The following PAPOLA variants were observed in gnomAD, a reference collection of about 807,000 sequenced individuals.
PAPOLA encodes poly(A) polymerase alpha, also known as polynucleotide adenylyltransferase alpha.
PAPOLA carries 15 observed loss-of-function variants against 100.6 expected under a neutral mutation model. That is an observed-to-expected ratio of 0.15 (90% CI 0.10 to 0.23). The LOEUF is 0.23. Ranked by LOEUF, PAPOLA falls within the 10% of genes least tolerant of loss-of-function variation. PAPOLA has a pLI of 1.00. For synonymous variants in PAPOLA, 293 were observed against 300.0 expected, an observed-to-expected ratio of 0.98 and a Z score of 0.24; for missense variants, 533 against 884.2, an observed-to-expected ratio of 0.60 and a Z score of 5.04.
chr14:96,513,692 T>C (rs1390003900), intron 1 of PAPOLA, among the ~76,000 whole-genome samples: 2 of 152,224 alleles, frequency 1.3e-5, no homozygotes, highest in Non-Finnish European at 2.9e-5. Context: ...TTGTTTTTCA[T>C]TAATCAGGTT....
At chr14:96,511,832 G>A (rs959290901) in intron 1 of PAPOLA, among the ~76,000 whole-genome samples, 4 of 152,278 alleles carry the variant, frequency 2.6e-5, no homozygotes, top group Admixed American at 6.5e-5. Flanking sequence ...TAACTTGGCC[G>A]CCCTAGCAGC....
At chr14:96,549,189 GTAGA>G (rs1900633066) in intron 16 of PAPOLA, among the ~76,000 whole-genome samples, 1 of 151,990 alleles carries the variant, frequency 6.6e-6, no homozygotes, top group Non-Finnish European at 1.5e-5. Flanking sequence ...TTGGAGATAG[GTAGA>G]TAGATGGGGA....
At chr14:96,514,109 C>T (rs769952634) in intron 1 of PAPOLA, among the ~76,000 whole-genome samples, 1 of 151,736 alleles carries the variant, frequency 6.6e-6, no homozygotes. Flanking sequence ...TCATGCTTTG[C>T]CTATTTGAAT....
intron 12 of PAPOLA, among the ~76,000 whole-genome samples, chr14:96,538,459 T>A (rs780459831): frequency 1.3e-5 from 2 of 152,070 alleles, no homozygotes; most frequent in South Asian, 4.1e-4. Flanking sequence ...TAAACTATGC[T>A]TCAGTCCTTG....
rs1405985458 is a variant in PAPOLA, at chr14:96,565,301, A to T, written c.*251A>T. Reference sequence around the variant, plus strand: ...TCAAAAATTACTGCCTTTAAAAAAAACAACCTCAAGCTATATTTGTATTCA... The same window carrying T: ...TCAAAAATTACTGCCTTTAAAAAAATCAACCTCAAGCTATATTTGTATTCA... On this transcript the variant is annotated 3_prime_UTR_variant, in exon 22 of 22. Coordinates refer to ENST00000216277, the MANE Select transcript of PAPOLA (RefSeq NM_032632.5). 7 of 397,092 alleles carry T rather than the reference A, an allele frequency of 1.8e-5. No individual in the cohort carries two copies. In the South Asian group the frequency reaches 3.8e-4, roughly 22 times the overall value. 24.6% of individuals were successfully genotyped at this position (397,092 alleles called of 1,614,324 possible).
intron 15 of PAPOLA, among the ~76,000 whole-genome samples, chr14:96,547,062 C>T (rs962867563): frequency 4.6e-5 from 7 of 152,066 alleles, no homozygotes; most frequent in African/African-American, 1.2e-4. Flanking sequence ...TCATCTGACA[C>T]GGACTATAGT....
At chr14:96,515,774 T>TAC (rs1019546488) in intron 1 of PAPOLA, among the ~76,000 whole-genome samples, 7 of 152,258 alleles carry the variant, frequency 4.6e-5, no homozygotes, top group African/African-American at 1.4e-4. Context: ...GTCTGGTTTG[T>TAC]ATTTTTCCTT....
chr14:96,527,832 A>C (rs965984395), intron 5 of PAPOLA, 121 bp from the exon 6 acceptor site: 8 of 760,794 alleles, frequency 1.1e-5, no homozygotes, highest in Admixed American at 7.2e-5. Flanking sequence ...GATCTGTCTG[A>C]TCGAACAGCC....
At chr14:96,552,772 T>G in intron 17 of PAPOLA, 150 bp downstream of exon 17, 28 of 685,670 alleles carry the variant, frequency 4.1e-5, no homozygotes, top group Non-Finnish European at 6.4e-5. Flanking sequence ...TTCCCAGGTT[T>G]GGGGATAGTA....
At chr14:96,513,289 A>G (rs1897228651) in intron 1 of PAPOLA, among the ~76,000 whole-genome samples, 1 of 152,064 alleles carries the variant, frequency 6.6e-6, no homozygotes, top group Non-Finnish European at 1.5e-5. Context: ...GGCTGGTCTC[A>G]AACTCCTGGG....
At chr14:96,554,441 A>G (rs1901118283) in intron 17 of PAPOLA, among the ~76,000 whole-genome samples, 2 of 152,248 alleles carry the variant, frequency 1.3e-5, no homozygotes, top group African/African-American at 4.8e-5. Context: ...ATTTACATTC[A>G]TATACCAATG....
At chr14:96,560,008 A>T (rs1901706725) in intron 19 of PAPOLA, among the ~76,000 whole-genome samples, 1 of 152,142 alleles carries the variant, frequency 6.6e-6, no homozygotes, top group Admixed American at 6.5e-5. Flanking sequence ...ATTGGAATTG[A>T]TCGATACTGT....
At chr14:96,540,918 G>A (rs1036344893) in intron 12 of PAPOLA, among the ~76,000 whole-genome samples, 2 of 152,132 alleles carry the variant, frequency 1.3e-5, no homozygotes, top group Non-Finnish European at 2.9e-5. Flanking sequence ...ACGGAGTCTC[G>A]CTCTGTTGCC....
At chr14:96,513,052 A>AT (rs1002437843) in intron 1 of PAPOLA, among the ~76,000 whole-genome samples, 3 of 151,998 alleles carry the variant, frequency 2.0e-5, no homozygotes, top group African/African-American at 7.3e-5. Flanking sequence ...AAATGTATAT[A>AT]TTTTTTATTG....
Position 96,565,446 on chromosome 14 carries a change from G to T in PAPOLA, c.*396G>T. 1 of 348,614 alleles carries T rather than the reference G, an allele frequency of 2.9e-6. No homozygotes were observed. Among genetic ancestry groups the T allele is most frequent in the Non-Finnish European group, 5.2e-6 (1 of 193,828 alleles). 21.6% of individuals were successfully genotyped at this position (348,614 alleles called of 1,614,324 possible). On this transcript the variant is annotated 3_prime_UTR_variant, in exon 22 of 22. Coordinates refer to ENST00000216277, the MANE Select transcript of PAPOLA (RefSeq NM_032632.5). ...TTTATGTATTTTTCATTAGAAAGTA[G>T]AACTAATTTTAGATTTTCAGCTTGA... is the stretch of plus-strand genomic sequence containing the variant.
At chr14:96,556,448 C>G (rs1216215255) in intron 19 of PAPOLA, 35 bp downstream of exon 19, 1 of 1,288,714 alleles carries the variant, frequency 7.8e-7, no homozygotes, top group East Asian at 2.3e-5. Context: ...TTAGCCATGG[C>G]AACACCAACT....
intron 14 of PAPOLA, 94 bp from the exon 15 acceptor site, chr14:96,544,055 A>T (rs1900197488): frequency 2.8e-6 from 2 of 723,526 alleles, no homozygotes; most frequent in African/African-American, 3.6e-5. Context: ...ATACATTTGT[A>T]TTGTAAGTTT....
At chr14:96,509,883 A>G (rs1027093725) in intron 1 of PAPOLA, among the ~76,000 whole-genome samples, 2 of 151,706 alleles carry the variant, frequency 1.3e-5, no homozygotes, top group South Asian at 2.1e-4. Context: ...CTTTATTTGC[A>G]TATATATTCT....
At chr14:96,521,912 A>C (rs932605981) in intron 3 of PAPOLA, among the ~76,000 whole-genome samples, 5 of 151,608 alleles carry the variant, frequency 3.3e-5, no homozygotes, top group African/African-American at 1.2e-4. Context: ...AGTGATTCTC[A>C]TGCCTCAGCC....
Sources: gnomAD v4.1 joint callset for allele counts (sites outside exome capture counted in the v4.1 genomes callset) on GRCh38, gnomAD v4.1.1 for gene constraint, MANE v1.5 for transcripts, NCBI Gene and HGNC (gene_info 2026-07-23, HGNC 2026-07-21) for gene names.